The following TK2 variants were observed in gnomAD, a reference collection of about 807,000 sequenced individuals.
TK2 encodes thymidine kinase 2, mitochondrial.
A neutral mutation model predicts 41.9 loss-of-function variants in TK2; 35 were observed. The ratio of observed to expected loss-of-function variants is 0.84; its 90% CI spans 0.64 to 1.11. TK2 has a LOEUF of 1.11. Among genes scored for constraint, TK2 ranks in the 50% least tolerant of loss-of-function variants. The pLI is 0.00. For missense variants in TK2, 320 were observed against 351.1 expected, an observed-to-expected ratio of 0.91 and a Z score of 0.71; for synonymous variants, 128 against 129.1, an observed-to-expected ratio of 0.99 and a Z score of 0.06.
chr16:66,544,528 C>T (rs777553646), intron 2 of TK2, among the ~76,000 whole-genome samples: 1 of 152,166 alleles, frequency 6.6e-6, no homozygotes, highest in South Asian at 2.1e-4. Context: ...CTCGTTGCAA[C>T]GGCCAAAGAG....
intron 2 of TK2, 159 bp downstream of exon 2, chr16:66,548,805 TTGGTAACAGAGGTG>T (rs1965687132): frequency 4.6e-6 from 3 of 651,184 alleles, no homozygotes; most frequent in Non-Finnish European, 5.6e-6. Flanking sequence ...ATACAAGAAA[TTGGTAACAGAGGTG>T]GCCTTCTAGG....
intron 9 of TK2, among the ~76,000 whole-genome samples, chr16:66,512,410 T>C (rs1026654423): frequency 6.6e-6 from 1 of 152,066 alleles, no homozygotes; most frequent in African/African-American, 2.4e-5. Flanking sequence ...ATGAATGATT[T>C]GTTTTTTTCC....
In TK2 at chr16:66,541,992, G is replaced by A. The variant is rs147752624; in HGVS notation, c.157-39C>T. On this transcript the variant is annotated intron_variant, in intron 2 of 9. Coordinates refer to ENST00000544898, the MANE Select transcript of TK2 (RefSeq NM_004614.5). ...AATGCATATTAGAGCCAGAACTCAA[G>A]CACCCAGGGGAATGTCAGGGAATAA... 4,288 of 1,603,264 alleles carry A rather than the reference G, an allele frequency of 2.7e-3. 11 individuals carry two copies. The highest frequency in any genetic ancestry group is 3.1e-3 in the Non-Finnish European group (3,632 of 1,170,364).
rs1964396714 is a variant in TK2, at chr16:66,509,780, TCTC to T, written c.*2185_*2187del. On this transcript the variant is annotated 3_prime_UTR_variant, in exon 10 of 10. Transcript: ENST00000544898. ...GTTGTGCCCATGTGCCATCTGCCCT[TCTC>T]CTGCCCTGGTCCATGGTGTCTATGA... is the stretch of plus-strand genomic sequence containing the variant. 1 of 152,726 alleles carries T rather than the reference TCTC, an allele frequency of 6.5e-6. No homozygotes were observed. Among genetic ancestry groups the T allele is most frequent in the Non-Finnish European group, 1.5e-5 (1 of 68,414 alleles). The allele number at this position is 152,726 out of a possible 1,614,324, so 9.5% of individuals were successfully genotyped here. A position where few individuals can be genotyped will look rare whatever the true frequency, so the allele number is the denominator to read the frequency against.
chr16:66,547,174 C>T (rs1242610565), intron 2 of TK2, among the ~76,000 whole-genome samples: 1 of 152,186 alleles, frequency 6.6e-6, no homozygotes, highest in Non-Finnish European at 1.5e-5. Flanking sequence ...ACCTTTAACA[C>T]TCTGGACATC....
chr16:66,543,674 C>G (rs1286971657), intron 2 of TK2, among the ~76,000 whole-genome samples: 3 of 152,184 alleles, frequency 2.0e-5, no homozygotes, highest in Non-Finnish European at 4.4e-5. Context: ...GAATTCACAT[C>G]CAGGCCCCTT....
chr16:66,549,178 C>A, intron 1 of TK2, 169 bp from the exon 2 acceptor site: 1 of 1,479,006 alleles, frequency 6.8e-7, no homozygotes, highest in South Asian at 1.3e-5. Flanking sequence ...ACCGTCTCGC[C>A]GATGTGCCAC....
chr16:66,511,965 C>A lies in TK2; in HGVS notation c.*3G>T, dbSNP rs970099637. On this transcript the variant is annotated 3_prime_UTR_variant, in exon 10 of 10. Coordinates refer to ENST00000544898, the MANE Select transcript of TK2 (RefSeq NM_004614.5). ...CAGACATGAGCCATAGACCTTTTGCCTCCTATGGGCAATGCTTCCGATTCT... is the reference window on the plus strand; with the variant it reads ...CAGACATGAGCCATAGACCTTTTGCATCCTATGGGCAATGCTTCCGATTCT... 2 of 1,613,958 alleles carry A rather than the reference C, an allele frequency of 1.2e-6. No homozygotes were observed. Among genetic ancestry groups the A allele is most frequent in the Admixed American group, 3.3e-5 (2 of 60,022 alleles).
Position 66,511,674 on chromosome 16 carries a change from C to A in TK2, c.*294G>T. The A allele has an allele frequency of 1.0e-5, 5 of 486,762 alleles. No individual in the cohort carries two copies. The highest frequency in any genetic ancestry group is 1.0e-4 in the South Asian group (5 of 49,362). The allele number at this position is 486,762 out of a possible 1,614,324, so 30.2% of individuals were successfully genotyped here. A position where few individuals can be genotyped will look rare whatever the true frequency, so the allele number is the denominator to read the frequency against. ...GTGTCAGGCACACAACAGGTGCTCT[C>A]CCTAAGGGCTTCATGAGAGCGACTC... On this transcript the variant is annotated 3_prime_UTR_variant, in exon 10 of 10. Transcript: ENST00000544898.
chr16:66,516,433 T>C (rs1964615540), intron 8 of TK2, among the ~76,000 whole-genome samples: 1 of 151,960 alleles, frequency 6.6e-6, no homozygotes, highest in Non-Finnish European at 1.5e-5. Flanking sequence ...TATTACAAAG[T>C]GGGGACTGCA....
At chr16:66,529,530 C>T (rs773954778) in intron 5 of TK2, among the ~76,000 whole-genome samples, 4 of 152,186 alleles carry the variant, frequency 2.6e-5, no homozygotes, top group Admixed American at 1.3e-4. Context: ...TTGGGGGTGA[C>T]GTTCTGGGGG....
At chr16:66,515,549 G>A (rs898594108) in intron 8 of TK2, among the ~76,000 whole-genome samples, 4 of 152,222 alleles carry the variant, frequency 2.6e-5, no homozygotes, top group East Asian at 1.9e-4. Context: ...CCAGAGGCTC[G>A]CGTGTCAACT....
rs1306604393 is a variant in TK2, at chr16:66,514,634, AG to A, written c.619-824del. On this transcript the variant is annotated intron_variant, in intron 8 of 9. Transcript: ENST00000544898. This position sits in a 1 kb window ranked among gnomAD's most constrained non-coding sequence, Gnocchi z 4.2. The stretch of plus-strand genomic sequence containing the variant: ...CGGCCGCTCAGTCTGGGAAGTGAGG[AG>A]CCCCTCTGCCCGGCCACCACCCCGT... 6.6e-6 allele frequency among the ~76,000 whole-genome samples: 1 copy of A among 151,886 alleles called. No individual in the cohort carries two copies. Among genetic ancestry groups the A allele is most frequent in the Admixed American group, 6.6e-5 (1 of 15,244 alleles).
intron 8 of TK2, among the ~76,000 whole-genome samples, chr16:66,515,883 G>A (rs1475760076): frequency 1.3e-5 from 2 of 152,196 alleles, no homozygotes; most frequent in Non-Finnish European, 2.9e-5. Flanking sequence ...CAGGATTTCA[G>A]GAGTTGGATA....
At chr16:66,535,233 CTT>C (rs1489532539) in intron 4 of TK2, among the ~76,000 whole-genome samples, 2 of 152,132 alleles carry the variant, frequency 1.3e-5, no homozygotes, top group Non-Finnish European at 2.9e-5. Context: ...AGAGTGGAAA[CTT>C]ATATAAAAAT....
intron 6 of TK2, among the ~76,000 whole-genome samples, chr16:66,523,684 C>A (rs1377449383): frequency 1.3e-5 from 2 of 151,996 alleles, no homozygotes; most frequent in African/African-American, 2.4e-5. Context: ...CAAAAATGAG[C>A]CAGGCGTGGT....
At chr16:66,548,602 G>C (rs1295616785) in intron 2 of TK2, 1 of 260,492 alleles carries the variant, frequency 3.8e-6, no homozygotes, top group African/African-American at 2.2e-5. Context: ...TCAACACTGG[G>C]GGGAGAGGGT....
intron 4 of TK2, among the ~76,000 whole-genome samples, chr16:66,535,049 G>GA (rs1965232826): frequency 6.6e-6 from 1 of 152,086 alleles, no homozygotes. Context: ...GTTCTTCATT[G>GA]AGAACTGCAG....
intron 6 of TK2, among the ~76,000 whole-genome samples, chr16:66,520,130 G>A (rs1468449961): frequency 6.6e-6 from 1 of 152,148 alleles, no homozygotes; most frequent in Non-Finnish European, 1.5e-5. Context: ...ACCAACCTGT[G>A]GGACGGCCAG....
Sources: allele counts gnomAD v4.1 joint callset (sites outside exome capture counted in the v4.1 genomes callset), GRCh38; gene constraint gnomAD v4.1.1; non-coding constraint Gnocchi (gnomAD v3.1); transcripts MANE v1.5; gene names NCBI Gene and HGNC (gene_info 2026-07-23, HGNC 2026-07-21).